Variants in LAPTM5 observed in about 807,000 individuals in gnomAD.
LAPTM5 encodes the protein lysosomal-associated transmembrane protein 5.
LAPTM5 carries 11 observed loss-of-function variants against 30.1 expected under a neutral mutation model. The ratio of observed to expected loss-of-function variants is 0.37; its 90% confidence interval spans 0.23 to 0.60. The LOEUF (loss-of-function observed/expected upper bound fraction) is 0.60. Ranked by LOEUF, LAPTM5 falls within the 20% of genes least tolerant of loss-of-function variation. LAPTM5 has a pLI of 0.71. For missense variants in LAPTM5, 324 were observed against 332.5 expected, an observed-to-expected ratio of 0.97 and a Z score of 0.20; for synonymous variants, 151 against 137.9, an observed-to-expected ratio of 1.10 and a Z score of -0.67.
chr1:30,742,423 C>T, intron 2 of LAPTM5, 33 bp downstream of exon 2: 2 of 1,524,064 alleles, frequency 1.3e-6, no homozygotes, highest in Non-Finnish European at 1.8e-6. Context: ...GTCCTCCTCC[C>T]CCCGCCACTC....
intron 7 of LAPTM5, 94 bp downstream of exon 7, chr1:30,735,079 T>C (rs1225024893): frequency 2.4e-6 from 2 of 833,748 alleles, no homozygotes; most frequent in African/African-American, 1.7e-5. Context: ...ATCTTACAAA[T>C]AGAGAAACCA....
Position 30,733,724 on chromosome 1 carries a change from A to AGGGGC in LAPTM5, c.*99_*103dup, listed in dbSNP as rs1398613196. 8.7e-7 allele frequency: 1 copy of AGGGGC among 1,146,882 alleles called. No individual in the cohort carries two copies. Among genetic ancestry groups the AGGGGC allele is most frequent in the Non-Finnish European group, 1.3e-6 (1 of 796,586 alleles). 71.0% of individuals were successfully genotyped at this position (1,146,882 alleles called of 1,614,324 possible). On this transcript the variant is annotated 3_prime_UTR_variant, in exon 8 of 8. Transcript: ENST00000294507. Reference sequence around the variant, plus strand: ...ACACAAGCAGATTGTCCTGCCAGGGAGGGGCGGGAGGGCCCACCCAGGCCA... The same window carrying AGGGGC: ...ACACAAGCAGATTGTCCTGCCAGGGAGGGGCGGGGCGGGAGGGCCCACCCAGGCCA...
rs1038691373 is a variant in LAPTM5, at chr1:30,735,414, G to A, written c.607-149C>T. 8 of 666,834 alleles carry A rather than the reference G, an allele frequency of 1.2e-5. No individual in the cohort carries two copies. In the African/African-American group the frequency reaches 1.3e-4, roughly 10 times the overall value. 41.3% of individuals were successfully genotyped at this position (666,834 alleles called of 1,614,324 possible). On this transcript the variant is annotated intron_variant, in intron 6 of 7. Coordinates refer to ENST00000294507, the MANE Select transcript of LAPTM5 (RefSeq NM_006762.3). ...CTCGGACCTCTCATTCTGGTTGGGGGTTCCTCACCAGCCAGTCCAGAATAT... is the reference window on the plus strand; with the variant it reads ...CTCGGACCTCTCATTCTGGTTGGGGATTCCTCACCAGCCAGTCCAGAATAT...
chr1:30,745,108 C>T (rs978122228), intron 1 of LAPTM5, among the ~76,000 whole-genome samples: 1 of 152,178 alleles, frequency 6.6e-6, no homozygotes, highest in Non-Finnish European at 1.5e-5. Flanking sequence ...TGCCCTGTAA[C>T]CCCTCCAATC....
chr1:30,745,867 A>C (rs1458122278), intron 1 of LAPTM5: 1 of 152,308 alleles, frequency 6.6e-6, no homozygotes, highest in Non-Finnish European at 1.5e-5. Context: ...CAAGACAGGC[A>C]ACATTTTCCC....
intron 1 of LAPTM5, among the ~76,000 whole-genome samples, chr1:30,755,427 C>T (rs911327372): frequency 6.6e-6 from 1 of 152,076 alleles, no homozygotes; most frequent in Non-Finnish European, 1.5e-5. Context: ...TCACCTCCTC[C>T]CCAAACTCCA....
At position 30,739,230 on chromosome 1, in the gene LAPTM5, G is replaced by C. The variant is rs1296887360; in HGVS notation, c.388-168C>G. ...ATGAACACACAGATGTTCATACCAA[G>C]AGCTGGTGGCAGACCCAAGACTAGA... On this transcript the variant is annotated intron_variant, in intron 4 of 7. Transcript: ENST00000294507. The surrounding 1 kb of genome is among the most constrained non-coding windows in gnomAD (Gnocchi z 4.2). 1 of 882,838 alleles carries C rather than the reference G, an allele frequency of 1.1e-6. No homozygotes were observed. Among genetic ancestry groups the C allele is most frequent in the East Asian group, 3.0e-5 (1 of 32,796 alleles). The allele number at this position is 882,838 out of a possible 1,614,324, so 54.7% of individuals were successfully genotyped here.
chr1:30,736,564 G>A (rs1639887317), intron 6 of LAPTM5, among the ~76,000 whole-genome samples: 1 of 151,892 alleles, frequency 6.6e-6, no homozygotes, highest in African/African-American at 2.4e-5. Context: ...CTCCCTAGTA[G>A]CTGGGACTAC....
chr1:30,740,067 A>C, intron 3 of LAPTM5, 130 bp from the exon 4 acceptor site: 1 of 1,027,390 alleles, frequency 9.7e-7, no homozygotes, highest in Admixed American at 3.7e-5. Flanking sequence ...AGTTGAGGTC[A>C]CCTCCCTCTG....
At chr1:30,737,530 C>T in intron 6 of LAPTM5, 74 bp downstream of exon 6, 3 of 1,071,360 alleles carry the variant, frequency 2.8e-6, no homozygotes, top group Non-Finnish European at 4.3e-6. Flanking sequence ...CTTCTAACAG[C>T]TTGGCATGGG....
intron 1 of LAPTM5, among the ~76,000 whole-genome samples, chr1:30,750,586 T>C (rs776530391): frequency 5.3e-5 from 8 of 152,168 alleles, no homozygotes; most frequent in Non-Finnish European, 1.2e-4. Context: ...AATCAGCTCT[T>C]TACACATGGG....
intron 3 of LAPTM5, among the ~76,000 whole-genome samples, chr1:30,740,671 C>A (rs923789793): frequency 6.6e-6 from 1 of 152,158 alleles, no homozygotes; most frequent in African/African-American, 2.4e-5. Context: ...TGACTGATCT[C>A]AGAGTCTTCA....
intron 1 of LAPTM5, among the ~76,000 whole-genome samples, chr1:30,754,940 T>C (rs1472465235): frequency 6.6e-6 from 1 of 152,200 alleles, no homozygotes; most frequent in Non-Finnish European, 1.5e-5. Context: ...TCTTTTTCCA[T>C]CCAGATGCTC....
intron 5 of LAPTM5, 76 bp from the exon 6 acceptor site, chr1:30,737,775 A>G: frequency 1.1e-6 from 1 of 938,812 alleles, no homozygotes; most frequent in Non-Finnish European, 1.7e-6. Context: ...TCCGGGAATA[A>G]TGATCCCACC....
intron 1 of LAPTM5, among the ~76,000 whole-genome samples, chr1:30,750,359 T>C (rs1640116595): frequency 6.6e-6 from 1 of 152,206 alleles, no homozygotes; most frequent in Non-Finnish European, 1.5e-5. Flanking sequence ...TTGTTGTGCA[T>C]TTATTAGACG....
chr1:30,740,051 C>T, intron 3 of LAPTM5, 114 bp from the exon 4 acceptor site: 5 of 1,264,212 alleles, frequency 4.0e-6, no homozygotes, highest in Admixed American at 3.2e-5. Context: ...CTTCCCTGCC[C>T]TCCTCAGTTG....
At chr1:30,752,512 G>T (rs893156033) in intron 1 of LAPTM5, among the ~76,000 whole-genome samples, 2 of 152,090 alleles carry the variant, frequency 1.3e-5, no homozygotes, top group South Asian at 4.2e-4. Context: ...TACTCCCCCC[G>T]CCCAGCGTGA....
rs1366668571 is a variant in LAPTM5 at position 30,739,476 on chromosome 1, T to C, written c.387+333A>G. Among the ~76,000 whole-genome samples the C allele has an allele frequency of 6.6e-6, 1 of 152,200 alleles. No individual in the cohort carries two copies. The highest frequency in any genetic ancestry group is 1.9e-4 in the East Asian group (1 of 5,198). ...CCAAAGAAGAAATAATACTGGGGGC[T>C]GGGGGCTAAAAAGCGCACATGTCCT... On this transcript the variant is annotated intron_variant, in intron 4 of 7. Coordinates refer to ENST00000294507, the MANE Select transcript of LAPTM5 (RefSeq NM_006762.3). This position sits in a 1 kb window ranked among gnomAD's most constrained non-coding sequence, Gnocchi z 4.2.
chr1:30,743,311 A>G (rs770066352), intron 1 of LAPTM5, among the ~76,000 whole-genome samples: 1 of 152,120 alleles, frequency 6.6e-6, no homozygotes, highest in Non-Finnish European at 1.5e-5. Flanking sequence ...GAATGAATGA[A>G]TGAATGAATG....
Sources: allele counts gnomAD v4.1 joint callset (sites outside exome capture counted in the v4.1 genomes callset), GRCh38; gene constraint gnomAD v4.1.1; non-coding constraint Gnocchi (gnomAD v3.1); transcripts MANE v1.5; gene names NCBI Gene and HGNC (gene_info 2026-07-23, HGNC 2026-07-21).